Variants in CACNA2D3 observed in about 807,000 individuals in gnomAD.
The protein encoded by CACNA2D3 is voltage-dependent calcium channel subunit alpha-2/delta-3.
CACNA2D3 carries 60 observed loss-of-function variants against 160.6 expected under a neutral mutation model. The observed-to-expected ratio is 0.37, with a 90% confidence interval of 0.30 to 0.46. The LOEUF (loss-of-function observed/expected upper bound fraction) is 0.46, where lower values mean the gene tolerates loss of function less well. Ranked by LOEUF, CACNA2D3 falls within the 20% of genes least tolerant of loss-of-function variation. The pLI, the probability that CACNA2D3 is intolerant of heterozygous loss-of-function variation, is 1.00. For synonymous variants in CACNA2D3, 558 were observed against 492.9 expected, an observed-to-expected ratio of 1.13 and a Z score of -1.75; for missense variants, 1,205 against 1,365.0, an observed-to-expected ratio of 0.88 and a Z score of 1.85.
chr3:55,029,060 G>C (rs960873697), intron 35 of CACNA2D3, among the ~76,000 whole-genome samples: 1 of 152,168 alleles, frequency 6.6e-6, no homozygotes, highest in African/African-American at 2.4e-5. Context: ...TCCTGTTGAG[G>C]TCTCAAGCTG....
At chr3:54,584,121 A>C (rs532367361) in intron 9 of CACNA2D3, among the ~76,000 whole-genome samples, 6 of 152,270 alleles carry the variant, frequency 3.9e-5, no homozygotes, top group African/African-American at 1.4e-4. Flanking sequence ...GAAAAGATGA[A>C]ATCGGATCCA....
chr3:54,413,408 C>CTATATATATATATCTA (rs1559474749), intron 4 of CACNA2D3, among the ~76,000 whole-genome samples: 13 of 145,234 alleles, frequency 9.0e-5, no homozygotes, highest in African/African-American at 1.3e-4. Context: ...CTATATATAT[C>CTATATATATATATCTA]TATATATATA....
intron 29 of CACNA2D3, among the ~76,000 whole-genome samples, chr3:54,977,959 TTC>T (rs1197012121): frequency 1.3e-5 from 2 of 152,216 alleles, no homozygotes; most frequent in African/African-American, 4.8e-5. Context: ...GGGTGGATTA[TTC>T]ATGCCTCTCC....
Position 55,011,218 on chromosome 3 carries a change from G to A in CACNA2D3, c.2875+1775G>A, listed in dbSNP as rs113842017. ...CTGTCCAGGCTTGGCTCTGCCCTGG[G>A]AGGCTGACAGCCCAGTGGAGCAGGG... On this transcript the variant is annotated intron_variant, in intron 34 of 37. Transcript: ENST00000474759. Among the ~76,000 whole-genome samples, 438 of 152,324 alleles carry A rather than the reference G, an allele frequency of 2.9e-3. 2 individuals are homozygous for A. Among genetic ancestry groups the A allele is most frequent in the African/African-American group, 1.0e-2 (415 of 41,564 alleles).
intron 18 of CACNA2D3, among the ~76,000 whole-genome samples, chr3:54,873,935 G>T (rs1699601715): frequency 6.6e-6 from 1 of 152,166 alleles, no homozygotes; most frequent in Non-Finnish European, 1.5e-5. Flanking sequence ...ATATCCATGT[G>T]CTGGGCCTTG....
intron 3 of CACNA2D3, among the ~76,000 whole-genome samples, chr3:54,365,308 A>G (rs1280636004): frequency 6.6e-6 from 1 of 152,224 alleles, no homozygotes; most frequent in Non-Finnish European, 1.5e-5. Flanking sequence ...GAGGGCTTCT[A>G]TTCCAGCAGA....
intron 11 of CACNA2D3, among the ~76,000 whole-genome samples, chr3:54,719,073 C>A (rs568815612): frequency 6.6e-6 from 1 of 151,204 alleles, no homozygotes; most frequent in Non-Finnish European, 1.5e-5. Context: ...TGTATATAAT[C>A]ATATTGTGTT....
At chr3:54,516,969 G>A (rs898128334) in intron 5 of CACNA2D3, among the ~76,000 whole-genome samples, 67 of 152,196 alleles carry the variant, frequency 4.4e-4, no homozygotes, top group Admixed American at 2.5e-3. Flanking sequence ...GTGAGATAGT[G>A]GAAGTTTCCC....
intron 2 of CACNA2D3, among the ~76,000 whole-genome samples, chr3:54,180,896 G>C (rs915945206): frequency 5.3e-5 from 8 of 152,208 alleles, no homozygotes; most frequent in Admixed American, 2.6e-4. Context: ...ATCCAGTAGG[G>C]GCTCAGTAAA....
chr3:54,298,324 C>A (rs1241795494), intron 2 of CACNA2D3, among the ~76,000 whole-genome samples: 1 of 152,240 alleles, frequency 6.6e-6, no homozygotes, highest in East Asian at 1.9e-4. Flanking sequence ...CTTCCAGGAT[C>A]CTTTCTAGCA....
chr3:54,614,399 CTGTCCT>C, intron 9 of CACNA2D3, among the ~76,000 whole-genome samples: 1 of 152,344 alleles, frequency 6.6e-6, no homozygotes, highest in Admixed American at 6.5e-5. Flanking sequence ...ACCATGTTTC[CTGTCCT>C]TGGAGTAAAT....
intron 10 of CACNA2D3, among the ~76,000 whole-genome samples, chr3:54,635,156 T>G (rs967589056): frequency 1.3e-5 from 2 of 151,812 alleles, no homozygotes; most frequent in Non-Finnish European, 2.9e-5. Context: ...AAACATTTGT[T>G]GTATAGAATG....
At chr3:54,489,160 G>T (rs1221049384) in intron 4 of CACNA2D3, among the ~76,000 whole-genome samples, 1 of 152,200 alleles carries the variant, frequency 6.6e-6, no homozygotes, top group Non-Finnish European at 1.5e-5. Flanking sequence ...GCCGTGCTAA[G>T]GATCTTGTCT....
intron 2 of CACNA2D3, among the ~76,000 whole-genome samples, chr3:54,199,337 G>T (rs538224469): frequency 1.2e-4 from 19 of 152,026 alleles, no homozygotes; most frequent in Middle Eastern, 3.4e-3. Flanking sequence ...TCTAAAAGAG[G>T]ACTCTTTCTT....
intron 11 of CACNA2D3, among the ~76,000 whole-genome samples, chr3:54,668,262 A>G (rs1417186919): frequency 6.6e-6 from 1 of 152,072 alleles, no homozygotes; most frequent in Non-Finnish European, 1.5e-5. Flanking sequence ...TCTTTTCTCC[A>G]CCCTGAGTCA....
At chr3:54,832,016 C>CACACAT (rs1703890498) in intron 14 of CACNA2D3, among the ~76,000 whole-genome samples, 1 of 121,080 alleles carries the variant, frequency 8.3e-6, no homozygotes, top group Non-Finnish European at 1.8e-5. Context: ...CTCTGTCACA[C>CACACAT]ACACACACAC....
chr3:54,960,255 G>A (rs769090881), intron 27 of CACNA2D3, among the ~76,000 whole-genome samples: 1 of 152,090 alleles, frequency 6.6e-6, no homozygotes, highest in Non-Finnish European at 1.5e-5. Flanking sequence ...GTGTGATAAT[G>A]TGAGCTATTT....
chr3:54,586,352 A>T (rs982463723), intron 9 of CACNA2D3, among the ~76,000 whole-genome samples: 3 of 149,564 alleles, frequency 2.0e-5, no homozygotes, highest in Non-Finnish European at 4.5e-5. Context: ...CCATGCTAAC[A>T]TTAATTTTAA....
At chr3:55,051,481 T>C (rs1395271725) in intron 35 of CACNA2D3, among the ~76,000 whole-genome samples, 1 of 151,984 alleles carries the variant, frequency 6.6e-6, no homozygotes, top group Non-Finnish European at 1.5e-5. Flanking sequence ...TCCAGCTGCA[T>C]GCTGGGAGAA....
Sources: gnomAD v4.1 joint callset for allele counts (sites outside exome capture counted in the v4.1 genomes callset) on GRCh38, gnomAD v4.1.1 for gene constraint, MANE v1.5 for transcripts, NCBI Gene and HGNC (gene_info 2026-07-23, HGNC 2026-07-21) for gene names.